Variants in LRRC20 observed in about 807,000 individuals in gnomAD.
LRRC20 encodes the protein leucine-rich repeat-containing protein 20.
A neutral mutation model predicts 14.4 loss-of-function variants in LRRC20; 11 were observed. The ratio of observed to expected loss-of-function variants is 0.77; its 90% CI spans 0.48 to 1.27. The LOEUF is 1.27. Among genes scored for constraint, LRRC20 ranks in the 50% most tolerant of loss-of-function variants. LRRC20 has a pLI of 0.00. For missense variants in LRRC20, 219 were observed against 251.2 expected (o/e 0.87, Z 0.87); for synonymous variants, 121 against 107.3 (o/e 1.13, Z -0.79).
intron 4 of LRRC20, among the ~76,000 whole-genome samples, chr10:70,315,214 C>A (rs1841811027): frequency 6.6e-6 from 1 of 152,178 alleles, no homozygotes; most frequent in Non-Finnish European, 1.5e-5. Flanking sequence ...TCCATGAGAG[C>A]AGGGAGTGTG....
intron 3 of LRRC20, among the ~76,000 whole-genome samples, chr10:70,335,567 C>T (rs1421599927): frequency 1.3e-5 from 2 of 152,248 alleles, no homozygotes; most frequent in Non-Finnish European, 2.9e-5. Context: ...GGCTTCAAGG[C>T]CCTGCCTGTT....
intron 3 of LRRC20, among the ~76,000 whole-genome samples, chr10:70,335,025 G>A (rs1389287410): frequency 6.6e-6 from 1 of 152,154 alleles, no homozygotes; most frequent in Non-Finnish European, 1.5e-5. Context: ...GCACCCTGTG[G>A]GCTCACCCTG....
At chr10:70,330,777 C>T (rs1261523249) in intron 3 of LRRC20, among the ~76,000 whole-genome samples, 2 of 152,200 alleles carry the variant, frequency 1.3e-5, no homozygotes, top group Admixed American at 1.3e-4. Flanking sequence ...CTCTGAGTTG[C>T]TTCTGCTCCC....
chr10:70,316,786 T>G (rs1016987935), intron 4 of LRRC20, among the ~76,000 whole-genome samples: 1 of 152,274 alleles, frequency 6.6e-6, no homozygotes, highest in African/African-American at 2.4e-5. Context: ...GTTTGTCTAA[T>G]GACCACCTCC....
intron 2 of LRRC20, among the ~76,000 whole-genome samples, chr10:70,359,470 G>A (rs965541815): frequency 1.3e-5 from 2 of 152,202 alleles, no homozygotes; most frequent in African/African-American, 4.8e-5. Flanking sequence ...GAGCCCAGGA[G>A]TTTGAGGCTG....
chr10:70,306,407 C>A (rs1054323349), intron 4 of LRRC20, among the ~76,000 whole-genome samples: 1 of 152,080 alleles, frequency 6.6e-6, no homozygotes, highest in African/African-American at 2.4e-5. Context: ...ACTCTTTGGG[C>A]CCCTTTGTCT....
chr10:70,302,484 T>A (rs1056707630), intron 4 of LRRC20, among the ~76,000 whole-genome samples: 7 of 152,176 alleles, frequency 4.6e-5, no homozygotes, highest in African/African-American at 1.7e-4. Flanking sequence ...TATTGCTTAA[T>A]AGCTACAGTT....
chr10:70,315,113 G>A (rs764820026), intron 4 of LRRC20, among the ~76,000 whole-genome samples: 2 of 152,178 alleles, frequency 1.3e-5, no homozygotes, highest in Non-Finnish European at 2.9e-5. Flanking sequence ...AGGTTGTCAT[G>A]AGGATTAAAC....
chr10:70,316,257 C>T (rs141646231), intron 4 of LRRC20, among the ~76,000 whole-genome samples: 78 of 152,264 alleles, frequency 5.1e-4, no homozygotes, highest in African/African-American at 1.5e-3. Flanking sequence ...CTCAGCCTCC[C>T]GAGTAGCTGG....
At chr10:70,369,522 T>C (rs1276728646) in intron 2 of LRRC20, among the ~76,000 whole-genome samples, 2 of 143,800 alleles carry the variant, frequency 1.4e-5, no homozygotes, top group African/African-American at 5.2e-5. Context: ...ATAAAATACT[T>C]GAACCTGGGA....
intron 2 of LRRC20, among the ~76,000 whole-genome samples, chr10:70,370,454 C>A (rs1844222684): frequency 6.6e-6 from 1 of 152,122 alleles, no homozygotes; most frequent in Non-Finnish European, 1.5e-5. Context: ...TCAAGAATGT[C>A]CTGTTACAGA....
chr10:70,367,076 G>C (rs1844027991), intron 2 of LRRC20, among the ~76,000 whole-genome samples: 1 of 152,092 alleles, frequency 6.6e-6, no homozygotes, highest in Non-Finnish European at 1.5e-5. Context: ...CATAACCCCA[G>C]CACTTTGGGA....
chr10:70,334,975 G>T (rs766817151), intron 3 of LRRC20, among the ~76,000 whole-genome samples: 6 of 152,166 alleles, frequency 3.9e-5, no homozygotes, highest in Non-Finnish European at 7.4e-5. Context: ...CCAGTGAGCA[G>T]CCAGGAGCCC....
chr10:70,304,147 G>A (rs573834777), intron 4 of LRRC20, among the ~76,000 whole-genome samples: 2 of 152,006 alleles, frequency 1.3e-5, no homozygotes, highest in East Asian at 3.9e-4. Context: ...TGCCCTCGAC[G>A]CGTGCCCTGT....
chr10:70,311,265 G>A (rs1380605634), intron 4 of LRRC20, among the ~76,000 whole-genome samples: 1 of 114,576 alleles, frequency 8.7e-6, no homozygotes, highest in Non-Finnish European at 1.6e-5. Flanking sequence ...GTCTTGCTCT[G>A]TTGCCCAGGC....
chr10:70,335,866 C>A (rs1475456852), intron 3 of LRRC20, among the ~76,000 whole-genome samples: 1 of 152,230 alleles, frequency 6.6e-6, no homozygotes, highest in African/African-American at 2.4e-5. Flanking sequence ...TCTGTCAAAT[C>A]CACATTTTAA....
chr10:70,353,305 T>TA (rs1178522366), intron 2 of LRRC20, among the ~76,000 whole-genome samples: 4 of 152,216 alleles, frequency 2.6e-5, no homozygotes, highest in African/African-American at 9.7e-5. Context: ...AATGAAATAA[T>TA]AAAAAACATT....
chr10:70,379,008 GCCA>G (rs1844610747), intron 1 of LRRC20, among the ~76,000 whole-genome samples: 1 of 152,116 alleles, frequency 6.6e-6, no homozygotes, highest in Non-Finnish European at 1.5e-5. Context: ...GCAGCTTGGG[GCCA>G]GGGAATAGAC....
intron 2 of LRRC20, among the ~76,000 whole-genome samples, chr10:70,360,808 G>A (rs1389138112): frequency 1.3e-5 from 2 of 152,146 alleles, no homozygotes; most frequent in African/African-American, 2.4e-5. Context: ...AGTTGTCAAC[G>A]TGTTTGTCTC....
Sources: allele counts gnomAD v4.1 joint callset (sites outside exome capture counted in the v4.1 genomes callset), GRCh38; gene constraint gnomAD v4.1.1; transcripts MANE v1.5; gene names NCBI Gene and HGNC (gene_info 2026-07-23, HGNC 2026-07-21).